The following FRY variants were observed in gnomAD, a reference collection of about 807,000 sequenced individuals.
FRY encodes the protein FRY microtubule binding protein.
FRY carries 128 observed loss-of-function variants against 348.4 expected under a neutral mutation model. The observed-to-expected ratio is 0.37, with a 90% CI of 0.32 to 0.43. The LOEUF (loss-of-function observed/expected upper bound fraction) is 0.43. FRY is among the 20% of genes least tolerant of loss of function. The pLI is 1.00. For missense variants in FRY, 2,736 were observed against 3,695.2 expected (o/e 0.74, Z 6.73); for synonymous variants, 1,370 against 1,374.7 (o/e 1.00, Z 0.08).
chr13:32,225,115 A>T (rs185050058), intron 38 of FRY, 79 bp downstream of exon 38: 1 of 843,426 alleles, frequency 1.2e-6, no homozygotes, highest in East Asian at 2.4e-5. Context: ...TTCCTTTCAC[A>T]TTGACATCCT....
chr13:32,067,197 G>T (rs1244786434), intron 1 of FRY, among the ~76,000 whole-genome samples: 1 of 152,168 alleles, frequency 6.6e-6, no homozygotes, highest in Non-Finnish European at 1.5e-5. Context: ...TGCCCGAGTT[G>T]CCCCTTTCTC....
At chr13:32,258,500 C>A (rs1887452704) in intron 51 of FRY, among the ~76,000 whole-genome samples, 1 of 152,052 alleles carries the variant, frequency 6.6e-6, no homozygotes, top group Non-Finnish European at 1.5e-5. Flanking sequence ...GTAATCCCAG[C>A]TACCTGGGAG....
intron 1 of FRY, among the ~76,000 whole-genome samples, chr13:32,077,416 G>A (rs1002452862): frequency 1.3e-5 from 2 of 152,108 alleles, no homozygotes; most frequent in South Asian, 2.1e-4. Flanking sequence ...GAAAGGAAAC[G>A]AGATAATATG....
At chr13:32,254,084 A>G in intron 50 of FRY, 140 bp from the exon 51 acceptor site, 1 of 828,086 alleles carries the variant, frequency 1.2e-6, no homozygotes, top group East Asian at 2.5e-5. Flanking sequence ...ATAAATAATA[A>G]AAGAACATTC....
chr13:32,248,059 C>T (rs1886893797), intron 48 of FRY, among the ~76,000 whole-genome samples: 1 of 152,128 alleles, frequency 6.6e-6, no homozygotes, highest in South Asian at 2.1e-4. Context: ...TCATGTTTAC[C>T]TGATAGTCCA....
At chr13:32,293,651 T>G (rs919411998) in intron 59 of FRY, among the ~76,000 whole-genome samples, 21 of 152,244 alleles carry the variant, frequency 1.4e-4, no homozygotes, top group African/African-American at 5.1e-4. Context: ...CAGGTTTTCT[T>G]AATCTTTACT....
intron 59 of FRY, among the ~76,000 whole-genome samples, chr13:32,293,439 T>A (rs1889478403): frequency 6.6e-6 from 1 of 152,206 alleles, no homozygotes. Context: ...TTTTTATTGT[T>A]TGTACCGTGA....
At chr13:32,166,406 C>T (rs575453590) in intron 17 of FRY, among the ~76,000 whole-genome samples, 2 of 152,318 alleles carry the variant, frequency 1.3e-5, no homozygotes, top group South Asian at 4.1e-4. Context: ...CCACCCTCAT[C>T]CTTGCTAGAG....
At chr13:32,096,694 G>A (rs1175196710) in intron 2 of FRY, among the ~76,000 whole-genome samples, 3 of 150,664 alleles carry the variant, frequency 2.0e-5, no homozygotes, top group East Asian at 2.0e-4. Flanking sequence ...CAGAGCCTGA[G>A]GCTGAGGCTG....
At chr13:32,080,325 T>C (rs998052279) in intron 2 of FRY, among the ~76,000 whole-genome samples, 14 of 152,232 alleles carry the variant, frequency 9.2e-5, no homozygotes, top group Non-Finnish European at 4.4e-5. Context: ...GTGTACTTAC[T>C]ATGTACTAGG....
At chr13:32,207,912 C>T (rs1179350056) in intron 31 of FRY, among the ~76,000 whole-genome samples, 1 of 152,156 alleles carries the variant, frequency 6.6e-6, no homozygotes, top group African/African-American at 2.4e-5. Context: ...TCTAATTTCC[C>T]TGAGGATAAA....
In FRY at chr13:32,194,305, T is replaced by A. The variant is rs1469510808; in HGVS notation, c.3746+8T>A. 6.2e-7 allele frequency: 1 copy of A among 1,613,510 alleles called. No homozygotes were observed. Among genetic ancestry groups the A allele is most frequent in the African/African-American group, 1.3e-5 (1 of 74,924 alleles). ...AACTGTGTGTGGAAGCAGGTACGAA[T>A]TTTTATAAGCAGTGATGAGTGGCAA... On this transcript the variant is annotated splice_region_variant and intron_variant, in intron 29 of 60. Transcript: ENST00000542859.
chr13:32,251,846 A>G (rs770629090), intron 49 of FRY, 32 bp from the exon 50 acceptor site: 14 of 1,486,738 alleles, frequency 9.4e-6, no homozygotes, highest in Admixed American at 6.7e-5. Flanking sequence ...ACAGGAACCC[A>G]TAATGAAACC....
chr13:32,150,441 T>G (rs1352714418), intron 14 of FRY, among the ~76,000 whole-genome samples: 2 of 152,160 alleles, frequency 1.3e-5, no homozygotes, highest in Non-Finnish European at 2.9e-5. Flanking sequence ...CCTCTTTTTC[T>G]ATGAGGTTGT....
intron 13 of FRY, among the ~76,000 whole-genome samples, chr13:32,149,367 A>T (rs1308797510): frequency 1.3e-5 from 2 of 152,060 alleles, no homozygotes; most frequent in African/African-American, 4.8e-5. Context: ...TTTTGCAGTG[A>T]TCTCTTTAAA....
intron 2 of FRY, among the ~76,000 whole-genome samples, chr13:32,081,087 T>A (rs1057124207): frequency 1.3e-5 from 2 of 152,206 alleles, no homozygotes; most frequent in Non-Finnish European, 2.9e-5. Flanking sequence ...GGAATAAGGA[T>A]TAGATCTGAA....
chr13:32,286,901 T>C (rs1889098653), intron 58 of FRY, among the ~76,000 whole-genome samples: 1 of 151,888 alleles, frequency 6.6e-6, no homozygotes, highest in African/African-American at 2.4e-5. Flanking sequence ...GGCTCATTCC[T>C]GTAATCCCAG....
At chr13:32,257,882 G>T in intron 51 of FRY, 1 of 1,188,802 alleles carries the variant, frequency 8.4e-7, no homozygotes, top group Non-Finnish European at 1.3e-6. Context: ...AACACTAAGA[G>T]AAATGTTCTT....
At chr13:32,182,203 T>C (rs1882758628) in intron 23 of FRY, among the ~76,000 whole-genome samples, 2 of 152,336 alleles carry the variant, frequency 1.3e-5, no homozygotes, top group South Asian at 4.1e-4. Context: ...TTTTTGTCTG[T>C]TTTTTGACCT....
Sources: gnomAD v4.1 joint callset for allele counts (sites outside exome capture counted in the v4.1 genomes callset) on GRCh38, gnomAD v4.1.1 for gene constraint, MANE v1.5 for transcripts, NCBI Gene and HGNC (gene_info 2026-07-23, HGNC 2026-07-21) for gene names.